The following ASIC2 variants were observed in gnomAD, a reference collection of about 807,000 sequenced individuals.
ASIC2 encodes acid-sensing ion channel 2.
In ASIC2, 25 loss-of-function variants were observed where a neutral mutation model predicts 57.3. That is an observed-to-expected ratio of 0.44 (90% CI 0.32 to 0.61). The LOEUF is 0.61. Among genes scored for constraint, ASIC2 ranks in the 20% least tolerant of loss-of-function variants. ASIC2 has a pLI of 0.06. For synonymous variants in ASIC2, 319 were observed against 307.5 expected, an observed-to-expected ratio of 1.04 and a Z score of -0.39; for missense variants, 641 against 738.1, an observed-to-expected ratio of 0.87 and a Z score of 1.52.
chr17:34,099,680 G>GAAAGA (rs1555596693), intron 1 of ASIC2, among the ~76,000 whole-genome samples: 6 of 139,842 alleles, frequency 4.3e-5, no homozygotes, highest in African/African-American at 1.7e-4. Flanking sequence ...AAGAAAGAAA[G>GAAAGA]AAAAGAAAGA....
intron 1 of ASIC2, among the ~76,000 whole-genome samples, chr17:34,088,126 G>C (rs1331444310): frequency 3.3e-5 from 5 of 152,178 alleles, no homozygotes; most frequent in Admixed American, 6.5e-5. Context: ...CTGATTTTTA[G>C]AGTTTCCAGT....
At chr17:33,546,894 G>C (rs1399061221) in intron 1 of ASIC2, among the ~76,000 whole-genome samples, 1 of 152,180 alleles carries the variant, frequency 6.6e-6, no homozygotes, top group Non-Finnish European at 1.5e-5. Context: ...AACGTGAGTG[G>C]AAGTGACAGG....
chr17:33,799,053 T>A (rs2002324), intron 1 of ASIC2, among the ~76,000 whole-genome samples: 4 of 152,046 alleles, frequency 2.6e-5, no homozygotes, highest in Non-Finnish European at 1.5e-5. Context: ...GAGGCCCCAG[T>A]GGGGTAGGAG....
intron 1 of ASIC2, among the ~76,000 whole-genome samples, chr17:33,307,549 A>T (rs1428964424): frequency 1.3e-5 from 2 of 152,162 alleles, no homozygotes; most frequent in East Asian, 3.8e-4. Flanking sequence ...ACTTCAGGTG[A>T]TCCACCCGCC....
chr17:34,135,080 G>T (rs1912091401), intron 1 of ASIC2, among the ~76,000 whole-genome samples: 2 of 152,220 alleles, frequency 1.3e-5, no homozygotes, highest in African/African-American at 2.4e-5. Flanking sequence ...AAGCCAAATG[G>T]AATGCTTTGC....
rs113045603 is a variant in ASIC2 at position 33,871,151 on chromosome 17, G to A, written c.555+284827C>T. ...TGAGCATCCAGCTATAGGCTCTCCC[G>A]GATAGATGCCAGATTCCTTCTAGTT... On this transcript the variant is annotated intron_variant, in intron 1 of 9. Transcript: ENST00000359872. Among the ~76,000 whole-genome samples the A allele has an allele frequency of 4.0e-3, 616 of 152,244 alleles. 4 individuals carry two copies. The highest frequency in any genetic ancestry group is 0.013 in the African/African-American group (555 of 41,544).
chr17:33,915,954 G>A (rs1437137880), intron 1 of ASIC2, among the ~76,000 whole-genome samples: 1 of 152,168 alleles, frequency 6.6e-6, no homozygotes, highest in Non-Finnish European at 1.5e-5. Context: ...TGTGAGGAAA[G>A]CAAAGCTGAA....
chr17:33,947,675 A>G (rs138022957), intron 1 of ASIC2, among the ~76,000 whole-genome samples: 56 of 152,326 alleles, frequency 3.7e-4, no homozygotes, highest in African/African-American at 1.3e-3. Flanking sequence ...ATGAAGATGA[A>G]TGAATTTCCA....
chr17:33,466,560 A>T (rs574936370), intron 1 of ASIC2, among the ~76,000 whole-genome samples: 12 of 152,224 alleles, frequency 7.9e-5, no homozygotes, highest in Non-Finnish European at 1.3e-4. Context: ...GAAAAAGAAC[A>T]AAGCTGGAGG....
chr17:33,610,199 C>T (rs1905356594), intron 1 of ASIC2, among the ~76,000 whole-genome samples: 1 of 152,152 alleles, frequency 6.6e-6, no homozygotes, highest in Non-Finnish European at 1.5e-5. Context: ...GCTCTGTTGC[C>T]CACGCTAGAG....
At chr17:33,820,498 G>C (rs546142149) in intron 1 of ASIC2, among the ~76,000 whole-genome samples, 6 of 152,280 alleles carry the variant, frequency 3.9e-5, no homozygotes, top group Admixed American at 3.9e-4. Flanking sequence ...TATGTGAAAA[G>C]AAATATCATG....
At chr17:33,429,974 A>G (rs1455037930) in intron 1 of ASIC2, among the ~76,000 whole-genome samples, 2 of 152,116 alleles carry the variant, frequency 1.3e-5, no homozygotes, top group Non-Finnish European at 2.9e-5. Flanking sequence ...TTCAAAATAC[A>G]TCCTTCACCC....
intron 1 of ASIC2, among the ~76,000 whole-genome samples, chr17:33,865,138 G>A (rs1914197219): frequency 1.3e-5 from 2 of 152,164 alleles, no homozygotes; most frequent in Admixed American, 6.5e-5. Context: ...ATGGAGTCAG[G>A]GGACCTGGGG....
chr17:34,118,269 T>C (rs1287351145), intron 1 of ASIC2: 5 of 152,230 alleles, frequency 3.3e-5, no homozygotes, highest in African/African-American at 1.2e-4. Flanking sequence ...ATCAATGAGT[T>C]AATGTATGTA....
chr17:33,237,307 G>A (rs1161126980), intron 1 of ASIC2, among the ~76,000 whole-genome samples: 1 of 152,024 alleles, frequency 6.6e-6, no homozygotes, highest in Non-Finnish European at 1.5e-5. Context: ...GTGGGAGAAG[G>A]TATTGGTCTC....
chr17:33,463,846 C>T (rs1912722866), intron 1 of ASIC2, among the ~76,000 whole-genome samples: 1 of 152,184 alleles, frequency 6.6e-6, no homozygotes, highest in African/African-American at 2.4e-5. Context: ...TGTGTCTCTC[C>T]CTCCTTCAAA....
At chr17:33,932,714 A>AAAG (rs1567760138) in intron 1 of ASIC2, 2 of 11,874 alleles carry the variant, frequency 1.7e-4, no homozygotes, top group Non-Finnish European at 1.4e-4. Context: ...ACTTTGTTTC[A>AAAG]AAAAAAAAAA....
chr17:33,239,559 C>T (rs1908427689), intron 1 of ASIC2, among the ~76,000 whole-genome samples: 1 of 152,158 alleles, frequency 6.6e-6, no homozygotes, highest in Non-Finnish European at 1.5e-5. Context: ...AATACTGGCA[C>T]ACAGTAAGAG....
intron 1 of ASIC2, among the ~76,000 whole-genome samples, chr17:33,640,418 A>T (rs1449715784): frequency 2.6e-5 from 4 of 152,216 alleles, no homozygotes; most frequent in Non-Finnish European, 5.9e-5. Flanking sequence ...TGCTTGCCAG[A>T]CTTCATTTCT....
Sources: allele counts gnomAD v4.1 joint callset (sites outside exome capture counted in the v4.1 genomes callset), GRCh38; gene constraint gnomAD v4.1.1; transcripts MANE v1.5; gene names NCBI Gene and HGNC (gene_info 2026-07-23, HGNC 2026-07-21).